Variants in PREX2 observed in about 807,000 individuals in gnomAD.
PREX2 encodes the protein phosphatidylinositol 3,4,5-trisphosphate-dependent Rac exchanger 2 protein.
In PREX2, 107 loss-of-function variants were observed where a neutral mutation model predicts 203.2. That is an observed-to-expected ratio of 0.53 (90% CI 0.45 to 0.62). The LOEUF (loss-of-function observed/expected upper bound fraction) is 0.62, where lower values mean the gene tolerates loss of function less well. Among genes scored for constraint, PREX2 ranks in the 20% least tolerant of loss-of-function variants. The pLI is 0.00. For missense variants in PREX2, 1,777 were observed against 1,955.9 expected, an observed-to-expected ratio of 0.91 and a Z score of 1.72; for synonymous variants, 672 against 663.6, an observed-to-expected ratio of 1.01 and a Z score of -0.19.
At chr8:68,142,996 T>C (rs1410774820) in intron 33 of PREX2, among the ~76,000 whole-genome samples, 4 of 152,144 alleles carry the variant, frequency 2.6e-5, no homozygotes, top group South Asian at 2.1e-4. Flanking sequence ...TATGAGTGTA[T>C]AGTGGTAGCT....
rs765178038 is a variant in PREX2, at chr8:68,030,612, A to T, written c.659A>T (p.Lys220Met). The part of the protein sequence containing the change: ...NINEAKRQME[K>M]LEVLEEWQSH... ...AACGAGGCCAAGAGACAGATGGAGAAGTTAGAAGTTTTAGAGGAATGGCAG... is the reference window on the plus strand; with the variant it reads ...AACGAGGCCAAGAGACAGATGGAGATGTTAGAAGTTTTAGAGGAATGGCAG... The change falls in exon 6 of 40, where the codon AAG (lysine) becomes ATG (methionine). Residue 220 changes from lysine (K) to methionine (M), a missense_variant. Lys to Met is a moderately conservative substitution (Grantham distance 95). Coordinates refer to ENST00000288368, the MANE Select transcript of PREX2 (RefSeq NM_024870.4). 1 of 1,613,692 alleles carries T rather than the reference A, an allele frequency of 6.2e-7. No homozygotes were observed. The highest frequency in any genetic ancestry group is 8.5e-7 in the Non-Finnish European group (1 of 1,179,676).
intron 1 of PREX2, among the ~76,000 whole-genome samples, chr8:67,976,047 T>C (rs1311118579): frequency 6.6e-6 from 1 of 152,034 alleles, no homozygotes; most frequent in East Asian, 1.9e-4. Flanking sequence ...TTTAAAAAAA[T>C]GCATAGATTC....
intron 35 of PREX2, among the ~76,000 whole-genome samples, chr8:68,164,999 G>A (rs1563571782): frequency 6.6e-6 from 1 of 151,206 alleles, no homozygotes; most frequent in African/African-American, 2.4e-5. Context: ...CCCAGGCCCT[G>A]GTGGTAAAAG....
intron 9 of PREX2, among the ~76,000 whole-genome samples, chr8:68,055,132 G>A (rs1266922994): frequency 6.6e-6 from 1 of 152,170 alleles, no homozygotes; most frequent in Non-Finnish European, 1.5e-5. Flanking sequence ...TGTTTCCAAA[G>A]CAACACAACT....
chr8:68,022,640 G>T (rs1050394887), intron 4 of PREX2, among the ~76,000 whole-genome samples: 1 of 152,004 alleles, frequency 6.6e-6, no homozygotes, highest in Non-Finnish European at 1.5e-5. Context: ...TGGCTGTCAC[G>T]GGCAAACTAA....
At chr8:68,123,739 A>C (rs186184694) in intron 30 of PREX2, among the ~76,000 whole-genome samples, 1 of 152,036 alleles carries the variant, frequency 6.6e-6, no homozygotes, top group Non-Finnish European at 1.5e-5. Context: ...ACAGACCTCC[A>C]TAACAAGCTC....
intron 1 of PREX2, among the ~76,000 whole-genome samples, chr8:67,986,670 C>T (rs1400495154): frequency 6.6e-6 from 1 of 152,162 alleles, no homozygotes; most frequent in Non-Finnish European, 1.5e-5. Context: ...GAGTTGCTGG[C>T]ACCCAGCATG....
intron 25 of PREX2, among the ~76,000 whole-genome samples, chr8:68,114,960 G>C (rs1252129113): frequency 6.6e-6 from 1 of 151,130 alleles, no homozygotes; most frequent in Non-Finnish European, 1.5e-5. Context: ...TTAATATTTG[G>C]CTAGCACTTT....
intron 1 of PREX2, among the ~76,000 whole-genome samples, chr8:67,958,311 T>G (rs371881079): frequency 8.1e-4 from 123 of 152,248 alleles, no homozygotes; most frequent in African/African-American, 2.6e-3. Flanking sequence ...AAAGAGGTGA[T>G]GATAGAGCTG....
chr8:67,984,715 A>G (rs1202070337), intron 1 of PREX2, among the ~76,000 whole-genome samples: 1 of 152,212 alleles, frequency 6.6e-6, no homozygotes, highest in African/African-American at 2.4e-5. Flanking sequence ...CAGGAGCTCA[A>G]ACACTTCATG....
intron 1 of PREX2, among the ~76,000 whole-genome samples, chr8:68,005,095 G>T (rs938373098): frequency 1.3e-5 from 2 of 152,112 alleles, no homozygotes; most frequent in Admixed American, 6.6e-5. Context: ...CTTTGATAAG[G>T]TCCTTTGCTG....
Position 68,192,398 on chromosome 8 carries a change from A to G in PREX2, c.4477A>G (p.Lys1493Glu). 1 of 1,614,044 alleles carries G rather than the reference A, an allele frequency of 6.2e-7. No homozygotes were observed. The highest frequency in any genetic ancestry group is 2.2e-5 in the East Asian group (1 of 44,846). ...ACTGGTAGCCTCGTTTATCAGATCC[A>G]AGCGCACAGCTGCCTGTGCAAACAC... The part of the protein sequence containing the change: ...YRLVASFIRS[K>E]RTAACANTAC... The change falls in exon 37 of 40, where the codon AAG (lysine) becomes GAG (glutamate). Residue 1493 changes from lysine to glutamate, a missense_variant. By Grantham distance (56) the Lys-to-Glu change is moderately conservative. Coordinates refer to ENST00000288368, the MANE Select transcript of PREX2 (RefSeq NM_024870.4).
intron 1 of PREX2, among the ~76,000 whole-genome samples, chr8:67,994,325 C>T (rs551600933): frequency 6.6e-6 from 1 of 152,264 alleles, no homozygotes; most frequent in East Asian, 1.9e-4. Context: ...ACCTTGTTTG[C>T]GTTTGACAGG....
intron 37 of PREX2, among the ~76,000 whole-genome samples, chr8:68,201,500 G>T (rs1585861323): frequency 6.6e-6 from 1 of 152,244 alleles, no homozygotes; most frequent in African/African-American, 2.4e-5. Context: ...ATGTTTGAAG[G>T]TAGGAAGCAT....
chr8:68,053,321 A>G, intron 9 of PREX2, 75 bp downstream of exon 9: 1 of 1,476,502 alleles, frequency 6.8e-7, no homozygotes. Context: ...ATGGGAAAAC[A>G]TGAGAAAATG....
At chr8:68,055,702 CA>C in intron 9 of PREX2, 127 bp from the exon 10 acceptor site, 1 of 841,022 alleles carries the variant, frequency 1.2e-6, no homozygotes. Context: ...CACTATTATA[CA>C]GAGATCTGTA....
At chr8:68,141,430 G>C (rs62522679) in intron 33 of PREX2, among the ~76,000 whole-genome samples, 18,259 of 152,088 alleles carry the variant, frequency 0.12, 1,310 homozygotes, top group East Asian at 0.2. Flanking sequence ...TGACAGCCTA[G>C]TTGGGAATAA....
At chr8:68,193,030 A>G (rs1812328207) in intron 37 of PREX2, among the ~76,000 whole-genome samples, 1 of 152,162 alleles carries the variant, frequency 6.6e-6, no homozygotes, top group Non-Finnish European at 1.5e-5. Flanking sequence ...TGTAAGGGGA[A>G]ATATTTGATG....
At position 68,236,422 on chromosome 8, in the gene PREX2, T is replaced by A. The variant is rs546283535; in HGVS notation, c.*5044T>A. 1.3e-5 allele frequency: 2 copies of A among 152,190 alleles called. No individual in the cohort carries two copies. The highest frequency in any genetic ancestry group is 4.8e-5 in the African/African-American group (2 of 41,452). The allele number at this position is 152,190 out of a possible 1,614,324, so 9.4% of individuals were successfully genotyped here. A position where few individuals can be genotyped will look rare whatever the true frequency, so the allele number is the denominator to read the frequency against. On this transcript the variant is annotated 3_prime_UTR_variant, in exon 40 of 40. Coordinates refer to ENST00000288368, the MANE Select transcript of PREX2 (RefSeq NM_024870.4). Reference sequence around the variant, plus strand: ...TGGTATATGTGTGGACATGTTTGATTTGAAAACCTTCGTGGTGTCTCTGTG... The same window carrying A: ...TGGTATATGTGTGGACATGTTTGATATGAAAACCTTCGTGGTGTCTCTGTG...
Sources: gnomAD v4.1 joint callset for allele counts (sites outside exome capture counted in the v4.1 genomes callset) on GRCh38, gnomAD v4.1.1 for gene constraint, MANE v1.5 for transcripts, NCBI Gene and HGNC (gene_info 2026-07-23, HGNC 2026-07-21) for gene names.